The following EIF3A variants were observed in gnomAD, a reference collection of about 807,000 sequenced individuals.
The protein encoded by EIF3A is EIF3, p180 subunit.
In EIF3A, 21 loss-of-function variants were observed where a neutral mutation model predicts 186.6. That is an observed-to-expected ratio of 0.11 (90% CI 0.08 to 0.16). The LOEUF (loss-of-function observed/expected upper bound fraction) is 0.16, where lower values mean the gene tolerates loss of function less well. EIF3A is among the 10% of genes least tolerant of loss of function. The pLI is 1.00. For missense variants in EIF3A, 1,306 were observed against 1,796.3 expected (o/e 0.73, Z 4.93); for synonymous variants, 563 against 584.3 (o/e 0.96, Z 0.52).
In EIF3A at chr10:119,057,005, A is replaced by C. The variant is rs1843794029; in HGVS notation, c.2013T>G (p.Ala671=). 6.2e-6 allele frequency: 10 copies of C among 1,611,874 alleles called. No individual in the cohort carries two copies. The highest frequency in any genetic ancestry group is 1.3e-5 in the African/African-American group (1 of 74,898). Residue 671 remains alanine (A), a synonymous_variant, in exon 13 of 22, where the codon GCT becomes GCG. Transcript: ENST00000369144. ...CTTTCTCCAGTTGTTCAACCTGTTT[A>C]GCCATGATAAAATCTGGATCCAATT... The part of the protein sequence containing the change: ...LEELDPDFIM[A]KQVEQLEKEK...
At chr10:119,055,694 G>A (rs909135401) in intron 14 of EIF3A, among the ~76,000 whole-genome samples, 5 of 152,066 alleles carry the variant, frequency 3.3e-5, no homozygotes, top group African/African-American at 1.2e-4. Flanking sequence ...TAACACAAAA[G>A]CACAATAAAG....
chr10:119,073,046 G>A lies in EIF3A; in HGVS notation c.385C>T (p.Leu129=), dbSNP rs766894916. Residue 129 remains leucine, a synonymous_variant, in exon 4 of 22, where the codon CTA becomes TTA. Coordinates refer to ENST00000369144, the MANE Select transcript of EIF3A (RefSeq NM_003750.4). ...GTGTCTTCACCACTTACAGCACTTAGGAGAACACTACAAAGAAAAAAATGT... is the reference window on the plus strand; with the variant it reads ...GTGTCTTCACCACTTACAGCACTTAAGAGAACACTACAAAGAAAAAAATGT... The part of the protein sequence containing the change: ...DNIQTPESVL[L]SAVSGEDTQD... The A allele has an allele frequency of 1.9e-6, 3 of 1,603,430 alleles. No individual in the cohort carries two copies. The African/African-American group carries it at 4.0e-5, about 22-fold the overall frequency.
Position 119,065,381 on chromosome 10 carries a change from C to G in EIF3A, c.1122+18G>C. 1.3e-6 allele frequency: 2 copies of G among 1,577,648 alleles called. No individual in the cohort carries two copies. Among genetic ancestry groups the G allele is most frequent in the Non-Finnish European group, 1.7e-6 (2 of 1,156,970 alleles). On this transcript the variant is annotated intron_variant, in intron 7 of 21. Transcript: ENST00000369144. ...GTTTTCTGCCCAAAGCTACAAAAATCCTCAAATTAATACTAACCATATCAT... is the reference window on the plus strand; with the variant it reads ...GTTTTCTGCCCAAAGCTACAAAAATGCTCAAATTAATACTAACCATATCAT...
At chr10:119,070,565 T>C (rs1589695412) in intron 5 of EIF3A, among the ~76,000 whole-genome samples, 1 of 150,650 alleles carries the variant, frequency 6.6e-6, no homozygotes, top group East Asian at 1.9e-4. Context: ...TATACTTATT[T>C]CATCACAGAC....
At position 119,042,749 on chromosome 10, in the gene EIF3A, C is replaced by A; in HGVS notation, c.2771G>T (p.Arg924Leu). The A allele has an allele frequency of 1.2e-6, 2 of 1,607,994 alleles. No individual in the cohort carries two copies. The highest frequency in any genetic ancestry group is 1.7e-6 in the Non-Finnish European group (2 of 1,177,028). Reference protein sequence around the residue: ...PEKEWRRGEGRDEDRSHRRDE... With the variant: ...PEKEWRRGEGLDEDRSHRRDE... The stretch of plus-strand genomic sequence containing the variant: ...TCTTCTATGAGACCTGTCCTCATCT[C>A]GCCCTTCTCCACGTCTCCACTCCCT... The change falls in exon 19 of 22, where the codon CGA becomes CTA. Residue 924 changes from arginine (R) to leucine (L), a missense_variant. Physicochemically the swap from Arg to Leu is moderately radical, Grantham distance 102 (BLOSUM62 -2). Around this residue, in one of 8 missense-constraint regions of EIF3A, gnomAD observed 410 missense variants for 473.5 expected, o/e 0.87. Coordinates refer to ENST00000369144, the MANE Select transcript of EIF3A (RefSeq NM_003750.4). The surrounding 1 kb of genome is among the most constrained non-coding windows in gnomAD (Gnocchi z 7.8).
chr10:119,033,902 T>C lies in EIF3A; in HGVS notation c.*2137A>G, dbSNP rs1459707115. On this transcript the variant is annotated 3_prime_UTR_variant, in exon 22 of 22. Transcript: ENST00000369144. ...AAAAAAAAAAACACAGGCAGTTCTTTACATAAAAACGTCCCACACGTTATA... is the reference window on the plus strand; with the variant it reads ...AAAAAAAAAAACACAGGCAGTTCTTCACATAAAAACGTCCCACACGTTATA... The C allele has an allele frequency of 6.0e-6, 1 of 166,848 alleles. No individual in the cohort carries two copies. The highest frequency in any genetic ancestry group is 1.5e-5 in the Non-Finnish European group (1 of 68,072). 10.3% of individuals were successfully genotyped at this position (166,848 alleles called of 1,614,324 possible). A position where few individuals can be genotyped will look rare whatever the true frequency, so the allele number is the denominator to read the frequency against.
intron 10 of EIF3A, 41 bp from the exon 11 acceptor site, chr10:119,059,438 G>T: frequency 7.0e-7 from 1 of 1,435,762 alleles, no homozygotes; most frequent in South Asian, 1.3e-5. Context: ...CCACAAGTAA[G>T]CATGAAGTCA....
rs1359366760 is a variant in EIF3A, at chr10:119,075,640, C to CTATATA, written c.50-1709_50-1704dup. Among the ~76,000 whole-genome samples, 36 of 44,736 alleles carry CTATATA rather than the reference C, an allele frequency of 8.0e-4. No individual in the cohort carries two copies. In the East Asian group the frequency reaches 0.018, roughly 22 times the overall value. The allele number at this position is 44,736 out of a possible 152,430, so 29.3% of individuals were successfully genotyped here. ...AAAAAAAGGGGGGGAGCTTAAAACA[C>CTATATA]TATATATATACATATATATATATAT... On this transcript the variant is annotated intron_variant, in intron 1 of 21. Transcript: ENST00000369144.
chr10:119,048,283 G>A (rs377452836), intron 17 of EIF3A, among the ~76,000 whole-genome samples: 3 of 152,138 alleles, frequency 2.0e-5, no homozygotes, highest in Non-Finnish European at 4.4e-5. Flanking sequence ...TGAGGAAGAC[G>A]AGTAAGTAGA....
In EIF3A at chr10:119,042,776, C is replaced by T. The variant is rs750260077; in HGVS notation, c.2748-4G>A. 1.9e-6 allele frequency: 3 copies of T among 1,572,772 alleles called. No individual in the cohort carries two copies. Among genetic ancestry groups the T allele is most frequent in the Admixed American group, 3.8e-5 (2 of 52,088 alleles). On this transcript the variant is annotated splice_region_variant and splice_polypyrimidine_tract_variant and intron_variant, in intron 18 of 21. Coordinates refer to ENST00000369144, the MANE Select transcript of EIF3A (RefSeq NM_003750.4). The surrounding 1 kb of genome is among the most constrained non-coding windows in gnomAD (Gnocchi z 7.8). ...CCCTTCTCCACGTCTCCACTCCCTA[C>T]ACAGCAACAAGAACAATTAAAAATA...
chr10:119,069,428 C>T lies in EIF3A; in HGVS notation c.950+18G>A, dbSNP rs1844035883. The T allele has an allele frequency of 8.7e-7, 1 of 1,151,020 alleles. No homozygotes were observed. The highest frequency in any genetic ancestry group is 1.3e-6 in the Non-Finnish European group (1 of 759,454). 71.3% of individuals were successfully genotyped at this position (1,151,020 alleles called of 1,614,324 possible). On this transcript the variant is annotated intron_variant, in intron 6 of 21. Coordinates refer to ENST00000369144, the MANE Select transcript of EIF3A (RefSeq NM_003750.4). Reference sequence around the variant, plus strand: ...TTTGTTACAGAATTTCAACATTATCCAAGTATAACATTTTTACCTTTGCAT... The same window carrying T: ...TTTGTTACAGAATTTCAACATTATCTAAGTATAACATTTTTACCTTTGCAT...
chr10:119,070,970 A>T lies in EIF3A; in HGVS notation c.657T>A (p.Asn219Lys). The T allele has an allele frequency of 6.2e-7, 1 of 1,613,986 alleles. No individual in the cohort carries two copies. The highest frequency in any genetic ancestry group is 8.5e-7 in the Non-Finnish European group (1 of 1,179,836). ...QRHHNQSTAI[N>K]LNNPESQSMH... Reference sequence around the variant, plus strand: ...TGGACTGGCTCTCTGGATTATTAAGATTGATTGCCGTACTTTGGTTATGGT... The same window carrying T: ...TGGACTGGCTCTCTGGATTATTAAGTTTGATTGCCGTACTTTGGTTATGGT... Residue 219 changes from asparagine (N) to lysine (K), a missense_variant, in exon 5 of 22, where the codon AAT becomes AAA. Physicochemically the swap from Asn to Lys is moderately conservative, Grantham distance 94. This residue lies in a region of EIF3A where 267 missense variants were observed against 367.8 expected (regional missense o/e 0.73). Coordinates refer to ENST00000369144, the MANE Select transcript of EIF3A (RefSeq NM_003750.4).
At chr10:119,066,744 C>T (rs1246856814) in intron 6 of EIF3A, among the ~76,000 whole-genome samples, 1 of 152,032 alleles carries the variant, frequency 6.6e-6, no homozygotes, top group African/African-American at 2.4e-5. Flanking sequence ...ATCTCCCCTT[C>T]GCCATTTCCA....
Position 119,069,555 on chromosome 10 carries a change from T to C in EIF3A, c.841A>G (p.Thr281Ala). The change falls in exon 6 of 22, where the codon ACT (threonine) becomes GCT (alanine). Residue 281 changes from threonine (T) to alanine (A), a missense_variant. Thr to Ala is a moderately conservative substitution (Grantham distance 58). Transcript: ENST00000369144. ...GCATTTCCAGATTTCCAAAACACAG[T>C]TGAGACTTTGTTATAGTAATTTGCC... Reference protein sequence around the residue: ...LMANYYNKVSTVFWKSGNALF... With the variant: ...LMANYYNKVSAVFWKSGNALF... The C allele has an allele frequency of 1.9e-6, 3 of 1,593,464 alleles. No homozygotes were observed. Among genetic ancestry groups the C allele is most frequent in the Non-Finnish European group, 2.6e-6 (3 of 1,161,126 alleles).
intron 4 of EIF3A, among the ~76,000 whole-genome samples, chr10:119,072,059 G>T (rs373324542): frequency 1.3e-4 from 14 of 111,128 alleles, no homozygotes; most frequent in African/African-American, 3.7e-4. Context: ...AAGAAAAAAA[G>T]AAAGAAAGTG....
chr10:119,036,576 A>G (rs1247772959), intron 21 of EIF3A, among the ~76,000 whole-genome samples: 3 of 152,160 alleles, frequency 2.0e-5, no homozygotes, highest in Admixed American at 6.5e-5. Context: ...CTGAATGAAA[A>G]TTTTATAACT....
chr10:119,049,729 G>A lies in EIF3A; in HGVS notation c.2658+72C>T, dbSNP rs1373746965. 8.8e-5 allele frequency: 121 copies of A among 1,379,008 alleles called. 3 individuals carry two copies. In the East Asian group the frequency reaches 2.7e-3, roughly 31 times the overall value. 85.4% of individuals were successfully genotyped at this position (1,379,008 alleles called of 1,614,324 possible). ...CAGCCTGGGCAACCTGGGCGACAGA[G>A]CAAGACTGTGCCTCAACCAAAAAAA... On this transcript the variant is annotated intron_variant, in intron 17 of 21. Transcript: ENST00000369144.
At position 119,049,967 on chromosome 10, in the gene EIF3A, C is replaced by T. The variant is rs776444945; in HGVS notation, c.2492G>A (p.Arg831His). 9 of 1,613,952 alleles carry T rather than the reference C, an allele frequency of 5.6e-6. No individual in the cohort carries two copies. The highest frequency in any genetic ancestry group is 1.3e-5 in the African/African-American group (1 of 74,894). Residue 831 changes from arginine (R) to histidine (H), a missense_variant, in exon 17 of 22, where the codon CGC becomes CAC. Around this residue, in one of 8 missense-constraint regions of EIF3A, gnomAD observed 410 missense variants for 473.5 expected, o/e 0.87. Coordinates refer to ENST00000369144, the MANE Select transcript of EIF3A (RefSeq NM_003750.4). ...QMLKEREERE[R>H]AERAKREEEL... ...TTCCTCGCGTTTTGCTCGTTCGGCG[C>T]GCTCTCTCTCTTCCCGCTCTAGACC...
intron 14 of EIF3A, among the ~76,000 whole-genome samples, chr10:119,053,360 T>C (rs1396740192): frequency 3.3e-5 from 5 of 152,110 alleles, no homozygotes; most frequent in Non-Finnish European, 7.4e-5. Flanking sequence ...GACTTCCCTC[T>C]AGGTATGAAA....
Sources: allele counts gnomAD v4.1 joint callset (sites outside exome capture counted in the v4.1 genomes callset), GRCh38; gene constraint gnomAD v4.1.1; regional missense constraint gnomAD v4.1.1; non-coding constraint Gnocchi (gnomAD v3.1); transcripts MANE v1.5; gene names NCBI Gene and HGNC (gene_info 2026-07-23, HGNC 2026-07-21).